Variants in SHLD1 observed in about 807,000 individuals in gnomAD.
SHLD1 encodes shieldin complex subunit 1, also known as RINN1-REV7-interacting novel NHEJ regulator 3.
Under a neutral mutation model 5.5 loss-of-function variants are expected in SHLD1, and 3 were observed. That is an observed-to-expected ratio of 0.54 (90% CI 0.25 to 1.40). SHLD1 has a LOEUF of 1.40. SHLD1 is among the 40% of genes most tolerant of loss of function. The probability of loss-of-function intolerance (pLI) is 0.15; values close to 1 mark genes in which losing one functional copy is unlikely to be tolerated. For missense variants in SHLD1, 210 were observed against 244.4 expected (o/e 0.86, Z 0.94); for synonymous variants, 92 against 94.3 (o/e 0.98, Z 0.14).
rs1469725893 is a variant in SHLD1 at position 5,810,918 on chromosome 20, A to G, written c.178+37875A>G. On this transcript the variant is annotated intron_variant, in intron 2 of 2. Transcript: ENST00000303142. ...AAAAAAAAAAAGATAATTCTGTTAT[A>G]TAATCTTTTGTTAACTCTGCAGATG... Among the ~76,000 whole-genome samples, 8 of 152,124 alleles carry G rather than the reference A, an allele frequency of 5.3e-5. No individual in the cohort carries two copies. In the East Asian group the frequency reaches 1.4e-3, roughly 26 times the overall value.
At chr20:5,792,658 G>T (rs6116954) in intron 2 of SHLD1, among the ~76,000 whole-genome samples, 51,416 of 147,280 alleles carry the variant, frequency 0.35, 9,230 homozygotes, top group East Asian at 0.66. Flanking sequence ...GACCTCAGGT[G>T]ATCTGCCGTT....
intron 2 of SHLD1, among the ~76,000 whole-genome samples, chr20:5,857,304 G>T (rs1310589020): frequency 6.6e-6 from 1 of 152,120 alleles, no homozygotes; most frequent in Non-Finnish European, 1.5e-5. Context: ...ATGAACATTA[G>T]TTTAAAAGGG....
At chr20:5,797,659 T>C (rs933693081) in intron 2 of SHLD1, among the ~76,000 whole-genome samples, 1 of 152,224 alleles carries the variant, frequency 6.6e-6, no homozygotes, top group Non-Finnish European at 1.5e-5. Flanking sequence ...ATAGTATCTG[T>C]GACAGTGATG....
At chr20:5,832,980 T>C (rs1456947845) in intron 2 of SHLD1, among the ~76,000 whole-genome samples, 2 of 152,308 alleles carry the variant, frequency 1.3e-5, no homozygotes, top group Non-Finnish European at 2.9e-5. Flanking sequence ...AAGGCTGTGC[T>C]GTTGCTTACA....
chr20:5,791,626 C>T (rs2087142732), intron 2 of SHLD1, among the ~76,000 whole-genome samples: 1 of 129,394 alleles, frequency 7.7e-6, no homozygotes, highest in Non-Finnish European at 1.7e-5. Context: ...TATAGCCAAA[C>T]ATTGATAAAT....
intron 1 of SHLD1, among the ~76,000 whole-genome samples, chr20:5,753,248 T>C (rs1275176094): frequency 6.6e-6 from 1 of 152,240 alleles, no homozygotes; most frequent in Non-Finnish European, 1.5e-5. Context: ...GGATGTATCC[T>C]AACCTATGTC....
At position 5,801,313 on chromosome 20, in the gene SHLD1, C is replaced by T. The variant is rs562829065; in HGVS notation, c.178+28270C>T. ...CTAGTCTCAAACTCCTTACCTCAAG[C>T]GATCCACCCACTTCCGCCTCCCAAA... On this transcript the variant is annotated intron_variant, in intron 2 of 2. Coordinates refer to ENST00000303142, the MANE Select transcript of SHLD1 (RefSeq NM_152504.4). 6.6e-4 allele frequency among the ~76,000 whole-genome samples: 101 copies of T among 152,162 alleles called. 1 individual carries two copies. The highest frequency in any genetic ancestry group is 2.2e-3 in the African/African-American group (92 of 41,520).
intron 2 of SHLD1, among the ~76,000 whole-genome samples, chr20:5,797,474 A>T (rs2087229544): frequency 6.6e-6 from 1 of 152,122 alleles, no homozygotes; most frequent in Non-Finnish European, 1.5e-5. Flanking sequence ...AGGTGGGAGG[A>T]TTGCTTGAGT....
chr20:5,828,321 T>TGTGTAGTAG (rs11087698), intron 2 of SHLD1, among the ~76,000 whole-genome samples: 107,801 of 151,682 alleles, frequency 0.71, 39,853 homozygotes, highest in Non-Finnish European at 0.82. Context: ...CTTAGAACAG[T>TGTGTAGTAG]GTGATAGGTC....
chr20:5,845,579 TGATG>T (rs2087923221), intron 2 of SHLD1, among the ~76,000 whole-genome samples: 2 of 152,228 alleles, frequency 1.3e-5, no homozygotes, highest in African/African-American at 4.8e-5. Flanking sequence ...TGCACAGAAC[TGATG>T]TTAGAATACC....
Position 5,796,830 on chromosome 20 carries a change from GAA to G in SHLD1, c.178+23803_178+23804del, listed in dbSNP as rs1259266796. 1.6e-3 allele frequency among the ~76,000 whole-genome samples: 140 copies of G among 89,498 alleles called. 2 individuals are homozygous for G. Among genetic ancestry groups the G allele is most frequent in the African/African-American group, 5.2e-3 (134 of 26,006 alleles). 58.7% of individuals were successfully genotyped at this position (89,498 alleles called of 152,430 possible). A position where few individuals can be genotyped will look rare whatever the true frequency, so the allele number is the denominator to read the frequency against. On this transcript the variant is annotated intron_variant, in intron 2 of 2. Coordinates refer to ENST00000303142, the MANE Select transcript of SHLD1 (RefSeq NM_152504.4). ...GACAACAGGACAAGACCCTGTCTCAGAAAAAAAAAAAAAAAAAGGTGGAGAGG... is the reference window on the plus strand; with the variant it reads ...GACAACAGGACAAGACCCTGTCTCAGAAAAAAAAAAAAAAAGGTGGAGAGG...
At chr20:5,769,160 G>A (rs1350818447) in intron 1 of SHLD1, among the ~76,000 whole-genome samples, 4 of 152,102 alleles carry the variant, frequency 2.6e-5, no homozygotes, top group Non-Finnish European at 5.9e-5. Context: ...TTCTGCCTCG[G>A]CCCCGCAAAG....
At chr20:5,759,651 A>C (rs1003691401) in intron 1 of SHLD1, among the ~76,000 whole-genome samples, 9 of 152,086 alleles carry the variant, frequency 5.9e-5, no homozygotes, top group Non-Finnish European at 1.2e-4. Context: ...CTCCCACCTC[A>C]GCCTCCTAAG....
chr20:5,823,188 TCTC>T (rs1019980426), intron 2 of SHLD1, among the ~76,000 whole-genome samples: 11 of 152,008 alleles, frequency 7.2e-5, no homozygotes, highest in African/African-American at 2.2e-4. Context: ...TCCCTCAGCT[TCTC>T]CTCCTGCCCT....
At chr20:5,772,713 A>G in intron 1 of SHLD1, 149 bp from the exon 2 acceptor site, 1 of 697,398 alleles carries the variant, frequency 1.4e-6, no homozygotes, top group Non-Finnish European at 2.2e-6. Context: ...GGAGTTCAAG[A>G]CCAGCCTGGG....
chr20:5,827,488 C>T (rs1343811161), intron 2 of SHLD1, among the ~76,000 whole-genome samples: 2 of 152,196 alleles, frequency 1.3e-5, no homozygotes, highest in African/African-American at 2.4e-5. Context: ...CACCCCCAGT[C>T]TGCAGCCCCC....
chr20:5,805,221 G>C (rs530908461), intron 2 of SHLD1, among the ~76,000 whole-genome samples: 2 of 151,538 alleles, frequency 1.3e-5, no homozygotes, highest in South Asian at 4.2e-4. Flanking sequence ...GCAGTGGCGC[G>C]ATCTCGGCTT....
At chr20:5,758,310 G>A (rs1235795716) in intron 1 of SHLD1, among the ~76,000 whole-genome samples, 2 of 131,784 alleles carry the variant, frequency 1.5e-5, no homozygotes, top group African/African-American at 5.8e-5. Context: ...GAGAAGGAAA[G>A]GGAAGGGAAG....
chr20:5,859,600 G>T (rs914805624), intron 2 of SHLD1, among the ~76,000 whole-genome samples: 7 of 152,180 alleles, frequency 4.6e-5, no homozygotes, highest in Non-Finnish European at 1.0e-4. Context: ...AAAGCAATTA[G>T]CTACATTTGC....
Sources: gnomAD v4.1 joint callset for allele counts (sites outside exome capture counted in the v4.1 genomes callset) on GRCh38, gnomAD v4.1.1 for gene constraint, MANE v1.5 for transcripts, NCBI Gene and HGNC (gene_info 2026-07-23, HGNC 2026-07-21) for gene names.